Variants in TMEM178B observed in about 807,000 individuals in gnomAD.
TMEM178B encodes transmembrane protein 178B.
TMEM178B carries 5 observed loss-of-function variants against 31.0 expected under a neutral mutation model. That is an observed-to-expected ratio of 0.16 (90% CI 0.08 to 0.34). The LOEUF (loss-of-function observed/expected upper bound fraction) is 0.34. Ranked by LOEUF, TMEM178B falls within the 10% of genes least tolerant of loss-of-function variation. The probability of loss-of-function intolerance (pLI) is 1.00; values close to 1 mark genes in which losing one functional copy is unlikely to be tolerated. For missense variants in TMEM178B, 275 were observed against 400.3 expected, an observed-to-expected ratio of 0.69 and a Z score of 2.67; for synonymous variants, 164 against 164.0, an observed-to-expected ratio of 1.00 and a Z score of 0.00.
chr7:141,197,001 G>A (rs969652508), intron 1 of TMEM178B, among the ~76,000 whole-genome samples: 1 of 152,168 alleles, frequency 6.6e-6, no homozygotes, highest in African/African-American at 2.4e-5. Context: ...CAGGATGATA[G>A]GAAGCTGTCT....
chr7:141,120,649 C>G (rs1795393160), intron 1 of TMEM178B, among the ~76,000 whole-genome samples: 1 of 151,992 alleles, frequency 6.6e-6, no homozygotes, highest in Non-Finnish European at 1.5e-5. Context: ...TCTCATATAT[C>G]ACCATGTTTA....
intron 1 of TMEM178B, among the ~76,000 whole-genome samples, chr7:141,200,793 C>G (rs1796863874): frequency 6.6e-6 from 1 of 152,128 alleles, no homozygotes; most frequent in African/African-American, 2.4e-5. Flanking sequence ...AGCTGAGTTC[C>G]TGGCAGCGGA....
intron 2 of TMEM178B, among the ~76,000 whole-genome samples, chr7:141,389,176 C>A (rs1382023719): frequency 6.6e-6 from 1 of 152,146 alleles, no homozygotes; most frequent in Non-Finnish European, 1.5e-5. Context: ...TTCCAGATAC[C>A]ACTACTCACG....
chr7:141,285,343 G>T (rs1417125424), intron 2 of TMEM178B, among the ~76,000 whole-genome samples: 3 of 150,238 alleles, frequency 2.0e-5, no homozygotes, highest in African/African-American at 4.9e-5. Context: ...TTTTTTTAGT[G>T]GAGACAGGGT....
At chr7:141,343,481 A>C (rs570402555) in intron 2 of TMEM178B, among the ~76,000 whole-genome samples, 17 of 145,770 alleles carry the variant, frequency 1.2e-4, no homozygotes, top group Admixed American at 3.4e-4. Context: ...GCAGCTGCCT[A>C]GTTCAGAATC....
At chr7:141,190,913 T>A (rs1796686869) in intron 1 of TMEM178B, among the ~76,000 whole-genome samples, 1 of 152,214 alleles carries the variant, frequency 6.6e-6, no homozygotes, top group South Asian at 2.1e-4. Context: ...TCTTTCCCTT[T>A]TTTTTACATA....
At chr7:141,291,950 T>C (rs927447220) in intron 2 of TMEM178B, among the ~76,000 whole-genome samples, 8 of 148,970 alleles carry the variant, frequency 5.4e-5, no homozygotes, top group Non-Finnish European at 1.0e-4. Context: ...TTTTCAAATA[T>C]CAAAGCCCTG....
intron 2 of TMEM178B, among the ~76,000 whole-genome samples, chr7:141,215,832 TTCTTTCTTTTC>T (rs1797130952): frequency 1.0e-4 from 4 of 38,640 alleles, no homozygotes; most frequent in African/African-American, 2.6e-4. Flanking sequence ...CTTTCTTTCT[TTCTTTCTTTTC>T]TTTTCTTTTC....
intron 2 of TMEM178B, among the ~76,000 whole-genome samples, chr7:141,331,985 G>C (rs1395791020): frequency 6.6e-6 from 1 of 152,138 alleles, no homozygotes; most frequent in Non-Finnish European, 1.5e-5. Context: ...GTGTCCTCTG[G>C]ATTGGTTTTC....
chr7:141,263,426 C>A (rs946259964), intron 2 of TMEM178B, among the ~76,000 whole-genome samples: 3 of 152,144 alleles, frequency 2.0e-5, no homozygotes, highest in Admixed American at 2.0e-4. Flanking sequence ...CACCACCTAC[C>A]ATTGCTATTT....
intron 2 of TMEM178B, among the ~76,000 whole-genome samples, chr7:141,381,094 T>C (rs914235966): frequency 6.6e-6 from 1 of 151,876 alleles, no homozygotes; most frequent in Non-Finnish European, 1.5e-5. Flanking sequence ...TGCAGAGGAG[T>C]GAGGTGAGAC....
chr7:141,414,575 T>C (rs1801063695), intron 2 of TMEM178B: 1 of 152,602 alleles, frequency 6.6e-6, no homozygotes, highest in Admixed American at 6.5e-5. Context: ...AATTAATACT[T>C]CACTAGAGAG....
chr7:141,235,771 T>C (rs560882165), intron 2 of TMEM178B, among the ~76,000 whole-genome samples: 1 of 152,226 alleles, frequency 6.6e-6, no homozygotes, highest in Non-Finnish European at 1.5e-5. Context: ...CTCCTAATCA[T>C]AGGGCTCATT....
intron 2 of TMEM178B, among the ~76,000 whole-genome samples, chr7:141,238,077 G>A (rs1797558695): frequency 6.6e-6 from 1 of 151,348 alleles, no homozygotes; most frequent in Non-Finnish European, 1.5e-5. Flanking sequence ...ACAGGGCACA[G>A]TTTGGGACTG....
intron 2 of TMEM178B, among the ~76,000 whole-genome samples, chr7:141,367,972 A>C (rs569641534): frequency 3.9e-5 from 6 of 152,334 alleles, no homozygotes; most frequent in African/African-American, 1.2e-4. Flanking sequence ...CCAAGACCCA[A>C]GAGAAGGAGG....
chr7:141,102,742 G>C (rs1482651932), intron 1 of TMEM178B, among the ~76,000 whole-genome samples: 5 of 152,206 alleles, frequency 3.3e-5, no homozygotes, highest in African/African-American at 1.2e-4. Flanking sequence ...CCCCAAGGCA[G>C]CTCTGTGGCT....
At chr7:141,496,690 A>C in the TMEM178B span, among the ~76,000 whole-genome samples, 1 of 150,614 alleles carries the variant, frequency 6.6e-6, no homozygotes, top group Non-Finnish European at 1.5e-5. Context: ...AAAAAAAAAA[A>C]AAACCTCTGT....
chr7:141,121,336 T>C (rs377168641), intron 1 of TMEM178B, among the ~76,000 whole-genome samples: 59 of 152,296 alleles, frequency 3.9e-4, no homozygotes, highest in African/African-American at 1.3e-3. Flanking sequence ...GTGAAATACC[T>C]GTCAGTATTG....
chr7:141,224,336 G>C (rs988790095), intron 2 of TMEM178B, among the ~76,000 whole-genome samples: 4 of 152,194 alleles, frequency 2.6e-5, no homozygotes, highest in African/African-American at 9.7e-5. Context: ...ATATCAGACA[G>C]AGCAGTTCCA....
Sources: gnomAD v4.1 joint callset for allele counts (sites outside exome capture counted in the v4.1 genomes callset) on GRCh38, gnomAD v4.1.1 for gene constraint, MANE v1.5 for transcripts, NCBI Gene and HGNC (gene_info 2026-07-23, HGNC 2026-07-21) for gene names.